The following ELAPOR1 variants were observed in gnomAD, a reference collection of about 807,000 sequenced individuals.
The protein encoded by ELAPOR1 is endosome/lysosome-associated apoptosis and autophagy regulator 1.
A neutral mutation model predicts 119.7 loss-of-function variants in ELAPOR1; 77 were observed. The observed-to-expected ratio is 0.64, with a 90% CI of 0.54 to 0.78. ELAPOR1 has a LOEUF of 0.78. Ranked by LOEUF, ELAPOR1 falls within the 30% of genes least tolerant of loss-of-function variation. ELAPOR1 has a pLI of 0.00. For missense variants in ELAPOR1, 1,115 were observed against 1,270.4 expected, an observed-to-expected ratio of 0.88 and a Z score of 1.86; for synonymous variants, 481 against 487.2, an observed-to-expected ratio of 0.99 and a Z score of 0.17.
chr1:109,188,323 C>T lies in ELAPOR1; in HGVS notation c.1188C>T (p.Pro396=). 1 of 1,614,050 alleles carries T rather than the reference C, an allele frequency of 6.2e-7. No homozygotes were observed. The highest frequency in any genetic ancestry group is 2.2e-5 in the East Asian group (1 of 44,886). ...AAACCAACAACAGCACCTGCCAGCC[C>T]TGCCCATATGGTTCCTACTCCAATG... The part of the protein sequence containing the change: ...FFKTNNSTCQ[P]CPYGSYSNGS... Residue 396 remains proline (P), a synonymous_variant, in exon 9 of 22, where the codon CCC becomes CCT. Coordinates refer to ENST00000369939, the MANE Select transcript of ELAPOR1 (RefSeq NM_020775.5).
At chr1:109,188,661 C>T (rs1461427411) in intron 9 of ELAPOR1, among the ~76,000 whole-genome samples, 2 of 152,162 alleles carry the variant, frequency 1.3e-5, no homozygotes, top group Admixed American at 6.5e-5. Flanking sequence ...GCTGACTAGG[C>T]TTACAGGGCT....
Position 109,172,133 on chromosome 1 carries a change from G to A in ELAPOR1, c.615+120G>A, listed in dbSNP as rs115877724. On this transcript the variant is annotated intron_variant, in intron 4 of 21. Coordinates refer to ENST00000369939, the MANE Select transcript of ELAPOR1 (RefSeq NM_020775.5). Reference sequence around the variant, plus strand: ...GGGGAATCACTGTTGTTTTCTCTCTGGAGAGAGCTGTGGGCAAAATGAGCT... The same window carrying A: ...GGGGAATCACTGTTGTTTTCTCTCTAGAGAGAGCTGTGGGCAAAATGAGCT... 2.7e-3 allele frequency: 3,441 copies of A among 1,271,096 alleles called. 24 individuals are homozygous for A. The highest frequency in any genetic ancestry group is 0.023 in the African/African-American group (1,579 of 67,722). 78.7% of individuals were successfully genotyped at this position (1,271,096 alleles called of 1,614,324 possible).
chr1:109,199,039 T>C (rs775943848), intron 18 of ELAPOR1, among the ~76,000 whole-genome samples: 3 of 152,218 alleles, frequency 2.0e-5, no homozygotes, highest in Non-Finnish European at 4.4e-5. Flanking sequence ...ATGGGCATAA[T>C]GCTAAATTCC....
At chr1:109,178,962 CA>C (rs35030338) in intron 7 of ELAPOR1, among the ~76,000 whole-genome samples, 165 of 134,058 alleles carry the variant, frequency 1.2e-3, no homozygotes, top group Non-Finnish European at 1.2e-3. Context: ...AATACTGTCT[CA>C]AAAAAAAAAA....
intron 1 of ELAPOR1, among the ~76,000 whole-genome samples, chr1:109,120,577 C>A (rs1648341681): frequency 6.6e-6 from 1 of 152,036 alleles, no homozygotes; most frequent in Admixed American, 6.6e-5. Flanking sequence ...CAATCAATAT[C>A]CATTGTTTAT....
At chr1:109,130,193 T>C (rs143921766) in intron 1 of ELAPOR1, among the ~76,000 whole-genome samples, 19 of 152,342 alleles carry the variant, frequency 1.2e-4, no homozygotes, top group Non-Finnish European at 5.9e-5. Context: ...AAAGACACTG[T>C]TCCAAAGAAG....
intron 1 of ELAPOR1, among the ~76,000 whole-genome samples, chr1:109,126,582 T>G (rs2100971437): frequency 6.6e-6 from 1 of 152,282 alleles, no homozygotes; most frequent in African/African-American, 2.4e-5. Context: ...GCAATTCTCC[T>G]GCCTCAGCCT....
chr1:109,194,025 G>A (rs928446942), intron 14 of ELAPOR1, among the ~76,000 whole-genome samples: 1 of 152,138 alleles, frequency 6.6e-6, no homozygotes, highest in African/African-American at 2.4e-5. Context: ...GGTGAGGAGG[G>A]AGCAAGAAAA....
intron 7 of ELAPOR1, among the ~76,000 whole-genome samples, chr1:109,182,854 A>G (rs620127): frequency 0.81 from 118,141 of 145,500 alleles, 48,399 homozygotes; most frequent in East Asian, 1. Context: ...GCAACAGAGC[A>G]AGACTCCATC....
In ELAPOR1 at chr1:109,161,813, T is replaced by C. The variant is rs150092533; in HGVS notation, c.154-81T>C. ...CTGAGAGGATGAGCATCAGTAGCCA[T>C]GGTGCTGGGAAGTGGGTGGGAAGCT... On this transcript the variant is annotated intron_variant, in intron 1 of 21. Coordinates refer to ENST00000369939, the MANE Select transcript of ELAPOR1 (RefSeq NM_020775.5). 1,149 of 1,499,628 alleles carry C rather than the reference T, an allele frequency of 7.7e-4. 8 individuals are homozygous for C. In the African/African-American group the frequency reaches 0.014, roughly 18 times the overall value. 92.9% of individuals were successfully genotyped at this position (1,499,628 alleles called of 1,614,324 possible). A position where few individuals can be genotyped will look rare whatever the true frequency, so the allele number is the denominator to read the frequency against.
At chr1:109,188,453 C>A in intron 9 of ELAPOR1, 99 bp downstream of exon 9, 1 of 1,355,884 alleles carries the variant, frequency 7.4e-7, no homozygotes, top group South Asian at 1.4e-5. Context: ...TCTGCCCTTC[C>A]AAGGGAGGCA....
In ELAPOR1 at chr1:109,204,660, G is replaced by C. The variant is rs1368976585; in HGVS notation, c.*1648G>C. ...GTCTGCTTCTAAGCTTAACGCATCT[G>C]CTCAGGCACAGAATAAACGTCTAGG... On this transcript the variant is annotated 3_prime_UTR_variant, in exon 22 of 22. Transcript: ENST00000369939. 1.3e-5 allele frequency: 2 copies of C among 152,316 alleles called. No homozygotes were observed. Among genetic ancestry groups the C allele is most frequent in the African/African-American group, 4.8e-5 (2 of 41,476 alleles). 9.4% of individuals were successfully genotyped at this position (152,316 alleles called of 1,614,324 possible).
intron 1 of ELAPOR1, among the ~76,000 whole-genome samples, chr1:109,134,846 T>C (rs1649369178): frequency 6.6e-6 from 1 of 152,120 alleles, no homozygotes; most frequent in African/African-American, 2.4e-5. Flanking sequence ...ATAGGAGGTC[T>C]CATCATTTCC....
chr1:109,195,684 T>C (rs1488543007), intron 15 of ELAPOR1, among the ~76,000 whole-genome samples: 1 of 152,120 alleles, frequency 6.6e-6, no homozygotes, highest in African/African-American at 2.4e-5. Context: ...TTGCTGACAG[T>C]ATGAAAGAAA....
At chr1:109,164,185 T>C (rs1651430136) in intron 2 of ELAPOR1, among the ~76,000 whole-genome samples, 1 of 152,136 alleles carries the variant, frequency 6.6e-6, no homozygotes, top group Non-Finnish European at 1.5e-5. Context: ...CCTCATATTA[T>C]TAGCAATCTC....
chr1:109,176,680 A>G (rs1302250083), intron 7 of ELAPOR1, among the ~76,000 whole-genome samples: 1 of 147,212 alleles, frequency 6.8e-6, no homozygotes, highest in African/African-American at 2.5e-5. Context: ...TCACAGGACA[A>G]TAGTGGAGGG....
intron 21 of ELAPOR1, chr1:109,201,480 C>A: frequency 2.4e-6 from 1 of 410,588 alleles, no homozygotes. Flanking sequence ...GGCCAGCAGA[C>A]AGCATACAAG....
rs1287551197 is a variant in ELAPOR1, at chr1:109,172,497, G to A, written c.625G>A (p.Asp209Asn). The change falls in exon 5 of 22, where the codon GAC (aspartate) becomes AAC (asparagine). Residue 209 changes from aspartate (D) to asparagine (N), a missense_variant. Asp to Asn is a conservative substitution (Grantham distance 23). Transcript: ENST00000369939. ...SIIFEFFVQN[D>N]QCQPNADDSR... ...ACTCTTTTTATGTCAGGTTCAGAAT[G>A]ACCAGTGCCAGCCCAATGCAGATGA... is the stretch of plus-strand genomic sequence containing the variant. 6 of 1,613,272 alleles carry A rather than the reference G, an allele frequency of 3.7e-6. No individual in the cohort carries two copies. The highest frequency in any genetic ancestry group is 4.2e-6 in the Non-Finnish European group (5 of 1,179,338).
At chr1:109,201,888 C>G (rs1342068001) in intron 21 of ELAPOR1, among the ~76,000 whole-genome samples, 1 of 152,008 alleles carries the variant, frequency 6.6e-6, no homozygotes, top group African/African-American at 2.4e-5. Flanking sequence ...TCTCTTGAGG[C>G]TGGGAGTTCA....
Sources: allele counts gnomAD v4.1 joint callset (sites outside exome capture counted in the v4.1 genomes callset), GRCh38; gene constraint gnomAD v4.1.1; transcripts MANE v1.5; gene names NCBI Gene and HGNC (gene_info 2026-07-23, HGNC 2026-07-21).